ATP6V0D2: variants seen among roughly 807,000 people sequenced by gnomAD.
ATP6V0D2 encodes the protein ATPase H+ transporting V0 subunit d2.
ATP6V0D2 carries 40 observed loss-of-function variants against 40.0 expected under a neutral mutation model. The ratio of observed to expected loss-of-function variants is 1.00; its 90% confidence interval spans 0.78 to 1.30. The LOEUF is 1.30. ATP6V0D2 is among the 50% of genes most tolerant of loss of function. ATP6V0D2 has a pLI of 0.00. For synonymous variants in ATP6V0D2, 179 were observed against 156.3 expected (o/e 1.15, Z -1.08); for missense variants, 470 against 423.1 (o/e 1.11, Z -0.97).
chr8:86,136,564 A>T (rs1299823156), intron 2 of ATP6V0D2, among the ~76,000 whole-genome samples: 1 of 152,186 alleles, frequency 6.6e-6, no homozygotes, highest in African/African-American at 2.4e-5. Context: ...AAGGATTCTA[A>T]AATTCCATAA....
At chr8:86,136,039 A>G (rs969955939) in intron 2 of ATP6V0D2, among the ~76,000 whole-genome samples, 7 of 152,206 alleles carry the variant, frequency 4.6e-5, no homozygotes, top group Non-Finnish European at 8.8e-5. Flanking sequence ...GAGAGGGGAC[A>G]GGAAAGAGAC....
chr8:86,098,943 C>A lies in ATP6V0D2; in HGVS notation c.-36C>A. 1.9e-6 allele frequency: 3 copies of A among 1,607,056 alleles called. No homozygotes were observed. Among genetic ancestry groups the A allele is most frequent in the Non-Finnish European group, 2.5e-6 (3 of 1,176,902 alleles). On this transcript the variant is annotated 5_prime_UTR_variant, in exon 1 of 8. It adds an upstream start codon to the 5' untranslated region. Transcript: ENST00000285393. The stretch of plus-strand genomic sequence containing the variant: ...TCAGGGGCCGTCCAGGACTACAGAG[C>A]TGTTTCACCCTACCTTGGCTTCAAT...
intron 1 of ATP6V0D2, among the ~76,000 whole-genome samples, chr8:86,102,720 A>G (rs1444136466): frequency 1.3e-5 from 2 of 152,222 alleles, no homozygotes; most frequent in Non-Finnish European, 2.9e-5. Context: ...ATACCCATGT[A>G]TTCTGAGGCC....
At chr8:86,102,383 G>C (rs1230491331) in intron 1 of ATP6V0D2, among the ~76,000 whole-genome samples, 1 of 152,126 alleles carries the variant, frequency 6.6e-6, no homozygotes, top group East Asian at 1.9e-4. Flanking sequence ...GTTTACTTTT[G>C]CACAAAATAT....
At position 86,113,853 on chromosome 8, in the gene ATP6V0D2, C is replaced by G. The variant is rs1419379013; in HGVS notation, c.275C>G (p.Pro92Arg). The G allele has an allele frequency of 6.2e-7, 1 of 1,613,646 alleles. No homozygotes were observed. Residue 92 changes from proline to arginine, a missense_variant, in exon 2 of 8, where the codon CCC (proline) becomes CGC (arginine). Physicochemically the swap from Pro to Arg is moderately radical, Grantham distance 103. Coordinates refer to ENST00000285393, the MANE Select transcript of ATP6V0D2 (RefSeq NM_152565.1). ...FEYFRNHSLE[P>R]LSTFLTYMTC... The stretch of plus-strand genomic sequence containing the variant: ...TATTTCCGGAATCATTCCCTGGAGC[C>G]CCTCAGCACATTTCTCACCTATATG...
chr8:86,113,689 G>A lies in ATP6V0D2; in HGVS notation c.131-20G>A. The A allele has an allele frequency of 6.3e-7, 1 of 1,576,990 alleles. No individual in the cohort carries two copies. Among genetic ancestry groups the A allele is most frequent in the Non-Finnish European group, 8.6e-7 (1 of 1,161,582 alleles). ...GTATGTTCAAAATTTAACCTGAATT[G>A]GGGTTTCATTTAATTTCAGACCTGA... is the stretch of plus-strand genomic sequence containing the variant. On this transcript the variant is annotated intron_variant, in intron 1 of 7. Coordinates refer to ENST00000285393, the MANE Select transcript of ATP6V0D2 (RefSeq NM_152565.1).
At chr8:86,149,076 C>CAAAA (rs1563567503) in intron 5 of ATP6V0D2, among the ~76,000 whole-genome samples, 2 of 114,924 alleles carry the variant, frequency 1.7e-5, no homozygotes, top group Admixed American at 1.0e-4. Flanking sequence ...AAAAAAAAAA[C>CAAAA]CAATGAACAA....
intron 1 of ATP6V0D2, among the ~76,000 whole-genome samples, chr8:86,103,364 C>A (rs1818428556): frequency 6.6e-6 from 1 of 151,532 alleles, no homozygotes; most frequent in Non-Finnish European, 1.5e-5. Flanking sequence ...CTCCTAACCC[C>A]AGGTGATCCG....
chr8:86,122,177 T>C (rs1466630837), intron 2 of ATP6V0D2, among the ~76,000 whole-genome samples: 1 of 152,196 alleles, frequency 6.6e-6, no homozygotes, highest in African/African-American at 2.4e-5. Context: ...AGGCATCTTT[T>C]TAAAAATAAT....
At chr8:86,151,795 C>T (rs1819157969) in intron 7 of ATP6V0D2, among the ~76,000 whole-genome samples, 1 of 141,308 alleles carries the variant, frequency 7.1e-6, no homozygotes, top group African/African-American at 2.6e-5. Context: ...AAAGAGTTTA[C>T]TTAAAAACTG....
intron 5 of ATP6V0D2, among the ~76,000 whole-genome samples, chr8:86,148,594 C>G (rs1819101662): frequency 6.6e-6 from 1 of 152,120 alleles, no homozygotes; most frequent in South Asian, 2.1e-4. Flanking sequence ...TGGACTGCGG[C>G]CTGAGACTCT....
rs556494499 is a variant in ATP6V0D2, at chr8:86,105,675, C to T, written c.130+6567C>T. Among the ~76,000 whole-genome samples the T allele has an allele frequency of 1.1e-4, 15 of 135,536 alleles. No homozygotes were observed. The East Asian group carries it at 2.1e-3, about 19-fold the overall frequency. The allele number at this position is 135,536 out of a possible 152,430, so 88.9% of individuals were successfully genotyped here. A position where few individuals can be genotyped will look rare whatever the true frequency, so the allele number is the denominator to read the frequency against. On this transcript the variant is annotated intron_variant, in intron 1 of 7. Transcript: ENST00000285393. ...TGTCGCCTAGGCTGGAGTGCAGTGG[C>T]GCGATCTCGGCTCACTGCAAGCTCC...
chr8:86,130,727 C>A (rs1053864222), intron 2 of ATP6V0D2, among the ~76,000 whole-genome samples: 7 of 152,174 alleles, frequency 4.6e-5, no homozygotes, highest in Admixed American at 3.9e-4. Context: ...CACTCCCTCC[C>A]CAGAGTGAAG....
intron 2 of ATP6V0D2, among the ~76,000 whole-genome samples, chr8:86,116,667 G>A (rs192114409): frequency 1.1e-4 from 16 of 152,224 alleles, no homozygotes; most frequent in African/African-American, 3.1e-4. Context: ...GATCAGGCAC[G>A]TTCAGGGTGG....
chr8:86,108,830 T>G (rs1315953138), intron 1 of ATP6V0D2, among the ~76,000 whole-genome samples: 2 of 152,222 alleles, frequency 1.3e-5, no homozygotes, highest in Non-Finnish European at 2.9e-5. Context: ...GATAATTCCC[T>G]TCATGCAGTG....
intron 2 of ATP6V0D2, among the ~76,000 whole-genome samples, chr8:86,119,550 T>A (rs994797440): frequency 1.2e-4 from 18 of 152,212 alleles, no homozygotes; most frequent in African/African-American, 4.3e-4. Flanking sequence ...ATCTTAGACA[T>A]GGAAGGAAAC....
chr8:86,147,366 A>C (rs1337287311), intron 5 of ATP6V0D2, among the ~76,000 whole-genome samples: 1 of 152,186 alleles, frequency 6.6e-6, no homozygotes, highest in African/African-American at 2.4e-5. Flanking sequence ...TAACAAAAAA[A>C]ATAAGGTCTA....
chr8:86,120,610 A>C (rs1818657014), intron 2 of ATP6V0D2, among the ~76,000 whole-genome samples: 1 of 152,218 alleles, frequency 6.6e-6, no homozygotes, highest in Non-Finnish European at 1.5e-5. Context: ...TCCATTAGCC[A>C]CAGTCTCCAA....
chr8:86,107,316 A>T (rs1447152679), intron 1 of ATP6V0D2, among the ~76,000 whole-genome samples: 1 of 152,164 alleles, frequency 6.6e-6, no homozygotes, highest in East Asian at 1.9e-4. Flanking sequence ...GGAGTATATC[A>T]GTTAGGCTGC....
Sources: gnomAD v4.1 joint callset for allele counts (sites outside exome capture counted in the v4.1 genomes callset) on GRCh38, gnomAD v4.1.1 for gene constraint, MANE v1.5 for transcripts, NCBI Gene and HGNC (gene_info 2026-07-23, HGNC 2026-07-21) for gene names.